Variants in ADGRG6 observed in about 807,000 individuals in gnomAD.
ADGRG6 encodes the protein G-protein coupled receptor 126.
ADGRG6 carries 84 observed loss-of-function variants against 142.4 expected under a neutral mutation model. That is an observed-to-expected ratio of 0.59 (90% CI 0.49 to 0.71). The LOEUF is 0.71. Ranked by LOEUF, ADGRG6 falls within the 30% of genes least tolerant of loss-of-function variation. ADGRG6 has a pLI of 0.00. For missense variants in ADGRG6, 1,367 were observed against 1,466.6 expected, an observed-to-expected ratio of 0.93 and a Z score of 1.11; for synonymous variants, 521 against 520.5, an observed-to-expected ratio of 1.00 and a Z score of -0.01.
chr6:142,349,874 A>G (rs1780080420), intron 2 of ADGRG6, among the ~76,000 whole-genome samples: 1 of 152,206 alleles, frequency 6.6e-6, no homozygotes, highest in Non-Finnish European at 1.5e-5. Flanking sequence ...GGTAGCATAA[A>G]TGGTGGAGGG....
At chr6:142,351,924 C>T (rs920999105) in intron 2 of ADGRG6, among the ~76,000 whole-genome samples, 2 of 152,170 alleles carry the variant, frequency 1.3e-5, no homozygotes, top group Non-Finnish European at 2.9e-5. Context: ...TACCATCTCA[C>T]ACCAGTCATA....
chr6:142,430,882 C>T (rs1777176170), intron 22 of ADGRG6, among the ~76,000 whole-genome samples: 1 of 152,124 alleles, frequency 6.6e-6, no homozygotes, highest in Admixed American at 6.6e-5. Flanking sequence ...ATTTGCTGAG[C>T]CAGCCTTGGC....
intron 22 of ADGRG6, among the ~76,000 whole-genome samples, chr6:142,435,593 T>G (rs1377625187): frequency 6.6e-6 from 1 of 152,238 alleles, no homozygotes; most frequent in Non-Finnish European, 1.5e-5. Context: ...TTGATTGATC[T>G]TGGTTACCAT....
chr6:142,353,864 C>G (rs1012437483), intron 2 of ADGRG6, among the ~76,000 whole-genome samples: 1 of 152,156 alleles, frequency 6.6e-6, no homozygotes, highest in Admixed American at 6.5e-5. Flanking sequence ...CTGTCTTTGT[C>G]TTTTGCTTCA....
chr6:142,406,219 A>C (rs2115033932), intron 15 of ADGRG6, among the ~76,000 whole-genome samples: 1 of 149,602 alleles, frequency 6.7e-6, no homozygotes, highest in African/African-American at 2.5e-5. Context: ...TTTAGCAGTA[A>C]GTACTGTTTA....
chr6:142,367,254 G>C (rs1372297638), intron 2 of ADGRG6, among the ~76,000 whole-genome samples: 1 of 152,106 alleles, frequency 6.6e-6, no homozygotes, highest in African/African-American at 2.4e-5. Context: ...TGTACTCCTT[G>C]AAATTGTGTG....
intron 22 of ADGRG6, among the ~76,000 whole-genome samples, chr6:142,426,489 G>T (rs957962416): frequency 6.6e-6 from 1 of 152,180 alleles, no homozygotes; most frequent in Non-Finnish European, 1.5e-5. Context: ...GGCTTTGCAG[G>T]GTATAGCCTC....
intron 2 of ADGRG6, among the ~76,000 whole-genome samples, chr6:142,338,572 T>C (rs1479349065): frequency 3.3e-5 from 5 of 151,664 alleles, no homozygotes; most frequent in Non-Finnish European, 7.4e-5. Context: ...TAGTAGTTAA[T>C]CGATATATTA....
At chr6:142,424,655 G>A (rs1054251762) in intron 22 of ADGRG6, among the ~76,000 whole-genome samples, 9 of 151,300 alleles carry the variant, frequency 5.9e-5, no homozygotes, top group African/African-American at 1.2e-4. Context: ...GTCTCTGCCC[G>A]GCTTTGGTAT....
At chr6:142,438,181 A>G (rs755262366) in intron 23 of ADGRG6, 31 bp from the exon 24 acceptor site, 1 of 1,483,624 alleles carries the variant, frequency 6.7e-7, no homozygotes, top group Non-Finnish European at 9.1e-7. Flanking sequence ...GGTAAAGCAG[A>G]TTGATAGGGT....
intron 22 of ADGRG6, among the ~76,000 whole-genome samples, chr6:142,422,870 G>C (rs1422585789): frequency 7.2e-6 from 1 of 139,662 alleles, no homozygotes; most frequent in Admixed American, 7.3e-5. Flanking sequence ...ACTGGTGTGA[G>C]ATGGTATCTC....
At chr6:142,439,873 G>T (rs1292309373) in intron 24 of ADGRG6, among the ~76,000 whole-genome samples, 1 of 152,106 alleles carries the variant, frequency 6.6e-6, no homozygotes, top group Non-Finnish European at 1.5e-5. Context: ...CTACTTATTT[G>T]GTGGTTCCGT....
At chr6:142,304,049 G>C (rs1777362224) in intron 1 of ADGRG6, among the ~76,000 whole-genome samples, 1 of 151,842 alleles carries the variant, frequency 6.6e-6, no homozygotes, top group Non-Finnish European at 1.5e-5. Flanking sequence ...TTTCCATTTT[G>C]CTATTTACGA....
At chr6:142,397,298 T>C (rs1775248438) in intron 9 of ADGRG6, among the ~76,000 whole-genome samples, 1 of 152,068 alleles carries the variant, frequency 6.6e-6, no homozygotes. Flanking sequence ...ACAGGAATGC[T>C]GTTTTCTTGT....
chr6:142,357,796 A>G (rs899474668), intron 2 of ADGRG6, among the ~76,000 whole-genome samples: 9 of 152,222 alleles, frequency 5.9e-5, no homozygotes, highest in African/African-American at 2.2e-4. Flanking sequence ...ATAGGAAGCA[A>G]TAACCCTCTG....
At chr6:142,365,184 C>A (rs1015355130) in intron 2 of ADGRG6, among the ~76,000 whole-genome samples, 5 of 152,150 alleles carry the variant, frequency 3.3e-5, no homozygotes, top group African/African-American at 1.2e-4. Flanking sequence ...GTCAGAAAGT[C>A]CTAATCATTT....
At chr6:142,389,417 G>C (rs908529954) in intron 6 of ADGRG6, among the ~76,000 whole-genome samples, 9 of 151,876 alleles carry the variant, frequency 5.9e-5, no homozygotes, top group African/African-American at 2.2e-4. Flanking sequence ...TCTTCTCTCT[G>C]TATCTTACCA....
chr6:142,415,079 G>A lies in ADGRG6; in HGVS notation c.2652G>A (p.Leu884=), dbSNP rs977284614. The change falls in exon 19 of 25, where the codon CTG becomes CTA. Residue 884 remains leucine (L), a synonymous_variant. Transcript: ENST00000367609. The part of the protein sequence containing the change: ...ISAIFSAATL[L]TYVAFEKLRR... Reference sequence around the variant, plus strand: ...CTATTTTTTCAGCAGCAACTCTCCTGACATATGTTGCTTTTGAGTAAGTAT... The same window carrying A: ...CTATTTTTTCAGCAGCAACTCTCCTAACATATGTTGCTTTTGAGTAAGTAT... 6.2e-7 allele frequency: 1 copy of A among 1,610,170 alleles called. No individual in the cohort carries two copies. The highest frequency in any genetic ancestry group is 8.5e-7 in the Non-Finnish European group (1 of 1,178,026).
chr6:142,344,037 G>A (rs994483366), intron 2 of ADGRG6, among the ~76,000 whole-genome samples: 2 of 151,918 alleles, frequency 1.3e-5, no homozygotes, highest in East Asian at 1.9e-4. Context: ...AGTTCCTACT[G>A]GATTTTCTTT....
Sources: allele counts gnomAD v4.1 joint callset (sites outside exome capture counted in the v4.1 genomes callset), GRCh38; gene constraint gnomAD v4.1.1; transcripts MANE v1.5; gene names NCBI Gene and HGNC (gene_info 2026-07-23, HGNC 2026-07-21).